The following GJB7 variants were observed in gnomAD, a reference collection of about 807,000 sequenced individuals.
GJB7 encodes gap junction beta-7 protein.
For synonymous variants in GJB7, 87 were observed against 95.2 expected (o/e 0.91, Z 0.50); for missense variants, 253 against 256.8 (o/e 0.99, Z 0.10).
chr6:87,286,284 C>T (rs1315680798), intron 2 of GJB7, among the ~76,000 whole-genome samples: 1 of 152,182 alleles, frequency 6.6e-6, no homozygotes, highest in Non-Finnish European at 1.5e-5. Context: ...TGCCCTTCAA[C>T]TTCATTCTTA....
chr6:87,315,795 CAAAAAAAAA>C (rs1161194601), intron 2 of GJB7, among the ~76,000 whole-genome samples: 4 of 72,372 alleles, frequency 5.5e-5, no homozygotes, highest in South Asian at 1.0e-3. Context: ...GACTCTATCT[CAAAAAAAAA>C]AAAAAAAAAA....
In GJB7 at chr6:87,284,224, A is replaced by G; in HGVS notation, c.*17T>C. ...GTCCCTCTCCTACCACATTCAACAT[A>G]TCTGAGGCTGTGGCACTCACACACT... On this transcript the variant is annotated 3_prime_UTR_variant, in exon 3 of 3. Coordinates refer to ENST00000525899, the MANE Select transcript of GJB7 (RefSeq NM_198568.3). 1.2e-6 allele frequency: 2 copies of G among 1,601,634 alleles called. No individual in the cohort carries two copies. Among genetic ancestry groups the G allele is most frequent in the South Asian group, 1.1e-5 (1 of 89,552 alleles).
At position 87,283,643 on chromosome 6, in the gene GJB7, A is replaced by G. The variant is rs1386237916; in HGVS notation, c.*598T>C. On this transcript the variant is annotated 3_prime_UTR_variant, in exon 3 of 3. Coordinates refer to ENST00000525899, the MANE Select transcript of GJB7 (RefSeq NM_198568.3). ...CCAGCTGGCTGCTATCCTATCCCAC[A>G]GTTTTTCCCTGCAGAGATTGAGTAG... 1 of 152,304 alleles carries G rather than the reference A, an allele frequency of 6.6e-6. No individual in the cohort carries two copies. Among genetic ancestry groups the G allele is most frequent in the African/African-American group, 2.4e-5 (1 of 41,366 alleles). 9.4% of individuals were successfully genotyped at this position (152,304 alleles called of 1,614,324 possible). A position where few individuals can be genotyped will look rare whatever the true frequency, so the allele number is the denominator to read the frequency against.
chr6:87,310,931 C>G (rs1221930799), intron 2 of GJB7, among the ~76,000 whole-genome samples: 3 of 152,100 alleles, frequency 2.0e-5, no homozygotes, highest in Admixed American at 2.0e-4. Flanking sequence ...TCTTCACAAA[C>G]TGGGGATAGG....
chr6:87,297,254 T>C (rs1219224669), intron 2 of GJB7, among the ~76,000 whole-genome samples: 4 of 152,222 alleles, frequency 2.6e-5, no homozygotes, highest in African/African-American at 9.6e-5. Flanking sequence ...CTATGTGTTA[T>C]GGTATAGGGG....
rs397841661 is a variant in GJB7, at chr6:87,283,836, C to CTT, written c.*403_*404dup. The CTT allele has an allele frequency of 4.5e-5, 5 of 112,250 alleles. No homozygotes were observed. Among genetic ancestry groups the CTT allele is most frequent in the Non-Finnish European group, 7.2e-5 (4 of 55,732 alleles). 7.0% of individuals were successfully genotyped at this position (112,250 alleles called of 1,614,324 possible). A position where few individuals can be genotyped will look rare whatever the true frequency, so the allele number is the denominator to read the frequency against. On this transcript the variant is annotated 3_prime_UTR_variant, in exon 3 of 3. Coordinates refer to ENST00000525899, the MANE Select transcript of GJB7 (RefSeq NM_198568.3). Reference sequence around the variant, plus strand: ...AAAACAGAAAACTGACACAGGGTTTCTTTTTTTTTTTTTTTCCCTGAAAAA... The same window carrying CTT: ...AAAACAGAAAACTGACACAGGGTTTCTTTTTTTTTTTTTTTTTCCCTGAAAAA...
intron 2 of GJB7, among the ~76,000 whole-genome samples, chr6:87,297,749 G>A (rs1010557611): frequency 2.0e-5 from 3 of 152,208 alleles, no homozygotes; most frequent in Non-Finnish European, 4.4e-5. Flanking sequence ...ACAGTGTCAT[G>A]AGGCAGGAGC....
At chr6:87,324,236 C>G (rs899562504) in intron 1 of GJB7, among the ~76,000 whole-genome samples, 5 of 152,146 alleles carry the variant, frequency 3.3e-5, no homozygotes, top group Non-Finnish European at 7.4e-5. Flanking sequence ...CCTGTTCACT[C>G]TGATGGTAGT....
chr6:87,296,471 C>G (rs986042513), intron 2 of GJB7, among the ~76,000 whole-genome samples: 1 of 152,138 alleles, frequency 6.6e-6, no homozygotes, highest in Admixed American at 6.5e-5. Context: ...GTAATGATCT[C>G]CCATCTAGAG....
intron 2 of GJB7, among the ~76,000 whole-genome samples, chr6:87,301,170 CGGACAGTGGGTGCA>C (rs1582559574): frequency 1.3e-5 from 2 of 152,094 alleles, no homozygotes; most frequent in Admixed American, 6.5e-5. Context: ...TGGGGCTTGT[CGGACAGTGGGTGCA>C]GGACAGTGGG....
intron 2 of GJB7, among the ~76,000 whole-genome samples, chr6:87,301,495 A>C (rs1423292239): frequency 1.3e-5 from 2 of 152,088 alleles, no homozygotes; most frequent in African/African-American, 2.4e-5. Flanking sequence ...GGCGCCCGCC[A>C]TTGCTGAGGC....
At chr6:87,287,230 CT>C (rs904767930) in intron 2 of GJB7, among the ~76,000 whole-genome samples, 1 of 152,212 alleles carries the variant, frequency 6.6e-6, no homozygotes, top group Non-Finnish European at 1.5e-5. Context: ...CAGGTGAAAA[CT>C]TTGCCTTTTC....
chr6:87,299,135 G>C (rs1048988958), intron 2 of GJB7: 6 of 472,924 alleles, frequency 1.3e-5, no homozygotes, highest in African/African-American at 8.0e-5. Context: ...TGCCAAGAAA[G>C]GCTTTGAAAA....
chr6:87,283,141 T>A lies in GJB7; in HGVS notation c.*1100A>T, dbSNP rs544234482. Reference sequence around the variant, plus strand: ...AACTTTTAAAACATTTTTGCACCACTGTAACAACATAGTACACATTTTACT... The same window carrying A: ...AACTTTTAAAACATTTTTGCACCACAGTAACAACATAGTACACATTTTACT... On this transcript the variant is annotated 3_prime_UTR_variant, in exon 3 of 3. Transcript: ENST00000525899. The A allele has an allele frequency of 7.9e-5, 12 of 152,364 alleles. No individual in the cohort carries two copies. The highest frequency in any genetic ancestry group is 2.9e-4 in the African/African-American group (12 of 41,594). The allele number at this position is 152,364 out of a possible 1,614,324, so 9.4% of individuals were successfully genotyped here. A position where few individuals can be genotyped will look rare whatever the true frequency, so the allele number is the denominator to read the frequency against.
chr6:87,322,344 G>A (rs1461534887), intron 2 of GJB7: 1 of 152,318 alleles, frequency 6.6e-6, no homozygotes, highest in African/African-American at 2.4e-5. Context: ...GAACTGGAAC[G>A]TAATTTGAAG....
At chr6:87,314,075 G>C (rs1182608160) in intron 2 of GJB7, among the ~76,000 whole-genome samples, 1 of 152,180 alleles carries the variant, frequency 6.6e-6, no homozygotes, top group African/African-American at 2.4e-5. Flanking sequence ...CATTTCATAA[G>C]GTACTGCTTT....
At chr6:87,304,435 TA>T (rs1776388016) in intron 2 of GJB7, among the ~76,000 whole-genome samples, 1 of 152,132 alleles carries the variant, frequency 6.6e-6, no homozygotes, top group Non-Finnish European at 1.5e-5. Flanking sequence ...AAGAAATGGA[TA>T]AATTTCTGGA....
intron 2 of GJB7, among the ~76,000 whole-genome samples, chr6:87,287,826 C>A (rs986635037): frequency 2.0e-5 from 3 of 152,084 alleles, no homozygotes; most frequent in African/African-American, 7.2e-5. Context: ...AGTGACTGAT[C>A]TTTGAATATA....
intron 1 of GJB7, among the ~76,000 whole-genome samples, chr6:87,325,579 C>T (rs1482016210): frequency 1.3e-5 from 2 of 150,146 alleles, no homozygotes; most frequent in East Asian, 1.9e-4. Flanking sequence ...TATTGATTTG[C>T]ATATATTGAA....
Sources: gnomAD v4.1 joint callset for allele counts (sites outside exome capture counted in the v4.1 genomes callset) on GRCh38, gnomAD v4.1.1 for gene constraint, MANE v1.5 for transcripts, NCBI Gene and HGNC (gene_info 2026-07-23, HGNC 2026-07-21) for gene names.